Variants in MRAP2 observed in about 807,000 individuals in gnomAD.
The protein encoded by MRAP2 is melanocortin 2 receptor accessory protein 2, also known as melanocortin-2 receptor accessory protein 2.
A neutral mutation model predicts 17.4 loss-of-function variants in MRAP2; 20 were observed. The ratio of observed to expected loss-of-function variants is 1.15; its 90% CI spans 0.81 to 1.67. The LOEUF is 1.67. MRAP2 is among the 40% of genes most tolerant of loss of function. The probability of loss-of-function intolerance (pLI) is 0.00; values close to 1 mark genes in which losing one functional copy is unlikely to be tolerated. For synonymous variants in MRAP2, 96 were observed against 88.4 expected (o/e 1.09, Z -0.48); for missense variants, 238 against 240.0 (o/e 0.99, Z 0.05).
the MRAP2 span, among the ~76,000 whole-genome samples, chr6:84,123,378 C>T: frequency 6.6e-6 from 1 of 151,506 alleles, no homozygotes; most frequent in East Asian, 1.9e-4. Flanking sequence ...TATAAAAATA[C>T]ACACAGGTCA....
At chr6:84,050,843 A>T (rs2099490238) in intron 1 of MRAP2, among the ~76,000 whole-genome samples, 2 of 152,178 alleles carry the variant, frequency 1.3e-5, no homozygotes, top group African/African-American at 4.8e-5. Flanking sequence ...GGGAACTTTG[A>T]TCATCTGACT....
intron 3 of MRAP2, among the ~76,000 whole-genome samples, chr6:84,072,054 C>A (rs955003264): frequency 1.3e-5 from 2 of 152,138 alleles, no homozygotes; most frequent in African/African-American, 4.8e-5. Context: ...AATAACTAAC[C>A]TCCCAAATTC....
intron 3 of MRAP2, among the ~76,000 whole-genome samples, chr6:84,075,163 G>A (rs1056740962): frequency 9.2e-5 from 14 of 152,268 alleles, no homozygotes; most frequent in Non-Finnish European, 1.0e-4. Context: ...GAAAACACTT[G>A]GAGATCTCAA....
At chr6:84,049,385 A>G (rs1562873867) in intron 1 of MRAP2, among the ~76,000 whole-genome samples, 1 of 152,102 alleles carries the variant, frequency 6.6e-6, no homozygotes, top group Non-Finnish European at 1.5e-5. Context: ...AGATTACACC[A>G]CTGCACTTCA....
chr6:84,120,580 C>A, the MRAP2 span, among the ~76,000 whole-genome samples: 1 of 152,104 alleles, frequency 6.6e-6, no homozygotes, highest in Non-Finnish European at 1.5e-5. Context: ...ATATATAGAA[C>A]TGAAGACCTG....
chr6:84,110,479 T>C, the MRAP2 span, among the ~76,000 whole-genome samples: 1 of 152,236 alleles, frequency 6.6e-6, no homozygotes, highest in Non-Finnish European at 1.5e-5. Flanking sequence ...TTCTGGATAT[T>C]AGCCCTTTTT....
chr6:84,123,376 T>C, the MRAP2 span, among the ~76,000 whole-genome samples: 6 of 151,236 alleles, frequency 4.0e-5, no homozygotes, highest in Admixed American at 4.0e-4. Context: ...GGTATAAAAA[T>C]ACACACAGGT....
intron 1 of MRAP2, among the ~76,000 whole-genome samples, chr6:84,042,506 T>C (rs1299814177): frequency 1.3e-5 from 2 of 152,140 alleles, no homozygotes; most frequent in Admixed American, 1.3e-4. Context: ...ATCCTCCAGG[T>C]CTTGTATTAT....
At chr6:84,118,382 C>A in the MRAP2 span, among the ~76,000 whole-genome samples, 1 of 152,156 alleles carries the variant, frequency 6.6e-6, no homozygotes, top group South Asian at 2.1e-4. Context: ...GGTGTCCCAC[C>A]CCTCCCCCAG....
At chr6:84,129,569 G>A in the MRAP2 span, among the ~76,000 whole-genome samples, 1 of 152,066 alleles carries the variant, frequency 6.6e-6, no homozygotes, top group Admixed American at 6.6e-5. Flanking sequence ...GTTCTTTATA[G>A]ATTCTGGATA....
the MRAP2 span, among the ~76,000 whole-genome samples, chr6:84,108,338 CTGT>C: frequency 1.1e-4 from 16 of 152,150 alleles, no homozygotes; most frequent in East Asian, 3.1e-3. Context: ...TTGCCAGCAT[CTGT>C]TGTTGTTTCA....
intron 1 of MRAP2, among the ~76,000 whole-genome samples, chr6:84,053,563 G>C (rs1383093664): frequency 1.1e-4 from 17 of 152,148 alleles, no homozygotes; most frequent in Non-Finnish European, 4.4e-5. Flanking sequence ...ATTAACACTT[G>C]GTGCATTTGA....
chr6:84,142,070 A>G, the MRAP2 span, among the ~76,000 whole-genome samples: 1 of 152,192 alleles, frequency 6.6e-6, no homozygotes, highest in Non-Finnish European at 1.5e-5. Flanking sequence ...GACTAAAGAA[A>G]AAAAGGCAGC....
chr6:84,035,094 G>A (rs1223516790), intron 1 of MRAP2, among the ~76,000 whole-genome samples: 1 of 152,204 alleles, frequency 6.6e-6, no homozygotes, highest in Non-Finnish European at 1.5e-5. Context: ...ATTAACAGGT[G>A]ATAGGAAAAG....
chr6:84,086,245 T>G (rs1034572299), intron 3 of MRAP2, among the ~76,000 whole-genome samples: 1 of 152,178 alleles, frequency 6.6e-6, no homozygotes, highest in African/African-American at 2.4e-5. Flanking sequence ...GAGGATTACA[T>G]GATTGTTTGG....
intron 2 of MRAP2, among the ~76,000 whole-genome samples, chr6:84,060,280 C>A (rs1416043390): frequency 6.6e-6 from 1 of 152,138 alleles, no homozygotes; most frequent in African/African-American, 2.4e-5. Flanking sequence ...AGGCTGTAAC[C>A]CTCCCATGCT....
chr6:84,093,997 G>A (rs925125535), downstream of MRAP2, among the ~76,000 whole-genome samples: 33 of 152,144 alleles, frequency 2.2e-4, no homozygotes, highest in African/African-American at 7.0e-4. Flanking sequence ...GAACCAGCCT[G>A]GCTGTCTCAA....
the MRAP2 span, among the ~76,000 whole-genome samples, chr6:84,098,625 A>G: frequency 6.6e-6 from 1 of 152,114 alleles, no homozygotes; most frequent in East Asian, 1.9e-4. Flanking sequence ...CCTTTCCAAC[A>G]TATTGTAACA....
chr6:84,088,188 C>T (rs557240347), intron 3 of MRAP2, among the ~76,000 whole-genome samples: 6 of 152,296 alleles, frequency 3.9e-5, no homozygotes, highest in African/African-American at 1.4e-4. Context: ...AAAACACATT[C>T]AGTCATGATT....
Sources: gnomAD v4.1 joint callset for allele counts (sites outside exome capture counted in the v4.1 genomes callset) on GRCh38, gnomAD v4.1.1 for gene constraint, MANE v1.5 for transcripts, NCBI Gene and HGNC (gene_info 2026-07-23, HGNC 2026-07-21) for gene names.